FAM86B1: variants seen among roughly 807,000 people sequenced by gnomAD.
FAM86B1 encodes the protein putative protein N-methyltransferase FAM86B1.
For missense variants in FAM86B1, 13 were observed against 328.1 expected (o/e 0.04, Z 7.42); for synonymous variants, 4 against 137.6 (o/e 0.03, Z 6.79).
upstream of FAM86B1, chr8:12,194,283 CG>C: frequency 9.1e-7 from 1 of 1,092,932 alleles, no homozygotes; most frequent in Non-Finnish European, 1.3e-6. Flanking sequence ...TAAGCGACAT[CG>C]GGGCAGGTCC....
chr8:12,188,634 CTG>C (rs879878987), intron 3 of FAM86B1, among the ~76,000 whole-genome samples: 3,800 of 102,582 alleles, frequency 0.037, 4 homozygotes, highest in Non-Finnish European at 0.049. Flanking sequence ...CCAGGCAGAA[CTG>C]TGAGGGCGGC....
chr8:12,192,812 G>A (rs1274773930), intron 1 of FAM86B1, among the ~76,000 whole-genome samples: 1 of 150,458 alleles, frequency 6.6e-6, no homozygotes, highest in South Asian at 2.1e-4. Context: ...ACACCGACAT[G>A]CATTTACCAT....
chr8:12,190,989 G>C (rs1313184596), intron 2 of FAM86B1, among the ~76,000 whole-genome samples: 1 of 147,654 alleles, frequency 6.8e-6, no homozygotes, highest in African/African-American at 2.6e-5. Flanking sequence ...ATAACTTCAG[G>C]TATCTCCATG....
intron 3 of FAM86B1, among the ~76,000 whole-genome samples, chr8:12,189,253 AATATAT>A (rs1563196851): frequency 8.5e-6 from 1 of 118,276 alleles, no homozygotes; most frequent in East Asian, 2.2e-4. Context: ...TCTCAAAAAA[AATATAT>A]AAATAAATAA....
chr8:12,184,163 G>A (rs1392574429), intron 6 of FAM86B1, among the ~76,000 whole-genome samples: 4 of 25,102 alleles, frequency 1.6e-4, no homozygotes, highest in African/African-American at 9.7e-4. Context: ...TTTTTTTCAC[G>A]TAAGTATCTG....
chr8:12,190,889 G>C (rs1344782828), intron 2 of FAM86B1, among the ~76,000 whole-genome samples: 1 of 87,062 alleles, frequency 1.1e-5, no homozygotes, highest in Admixed American at 1.4e-4. Flanking sequence ...AACCAGCCTT[G>C]TGCTGGGTTT....
intron 1 of FAM86B1, among the ~76,000 whole-genome samples, chr8:12,192,824 A>C (rs867263671): frequency 1.7e-4 from 26 of 150,518 alleles, no homozygotes; most frequent in Non-Finnish European, 3.1e-4. Flanking sequence ...ATTTACCATG[A>C]GCCAGGCACT....
At chr8:12,194,199 T>C, upstream of FAM86B1, 1 of 937,726 alleles carries the variant, frequency 1.1e-6, no homozygotes, top group Non-Finnish European at 1.6e-6. Flanking sequence ...GGTCAGGAGG[T>C]GCGTCCTGGG....
chr8:12,189,142 G>GAACC lies in FAM86B1; in HGVS notation c.240+665_240+666insGGTT, dbSNP rs1806349749. 2.8e-5 allele frequency among the ~76,000 whole-genome samples: 4 copies of GAACC among 145,102 alleles called. No individual in the cohort carries two copies. In the South Asian group the frequency reaches 8.6e-4, roughly 31 times the overall value. ...ATGTGCCTGTAGTCCCAGCTTCTTA[G>GAACC]CAGGCTAGGCACGAGAACTGCTTGA... is the stretch of plus-strand genomic sequence containing the variant. On this transcript the variant is annotated intron_variant, in intron 3 of 6. Coordinates refer to ENST00000448228, the MANE Select transcript of FAM86B1 (RefSeq NM_001083537.4).
chr8:12,192,746 C>T (rs1249616872), intron 1 of FAM86B1, among the ~76,000 whole-genome samples: 2 of 145,850 alleles, frequency 1.4e-5, no homozygotes, highest in East Asian at 1.9e-4. Flanking sequence ...ATCCATGGTG[C>T]CTGGCTCACG....
intron 3 of FAM86B1, among the ~76,000 whole-genome samples, chr8:12,189,292 A>G: frequency 1.1e-5 from 1 of 89,972 alleles, no homozygotes. Context: ...ATAAATAAAT[A>G]AATAAATAAG....
At chr8:12,184,989 G>A (rs1357217482) in intron 6 of FAM86B1, among the ~76,000 whole-genome samples, 1 of 142,376 alleles carries the variant, frequency 7.0e-6, no homozygotes, top group Non-Finnish European at 1.5e-5. Context: ...CAGGACAGTG[G>A]CGTGGTGGAT....
chr8:12,192,416 C>T (rs977541460), intron 1 of FAM86B1, among the ~76,000 whole-genome samples: 1 of 103,532 alleles, frequency 9.7e-6, no homozygotes, highest in African/African-American at 5.4e-5. Flanking sequence ...GCTCACTCCA[C>T]TCCAGCCACA....
chr8:12,186,754 GCATCCCA>G lies in FAM86B1; in HGVS notation c.313_319del (p.Trp105ProfsTer22), dbSNP rs1805941549. 35 of 1,268,190 alleles carry G rather than the reference GCATCCCA, an allele frequency of 2.8e-5. No homozygotes were observed. The highest frequency in any genetic ancestry group is 2.6e-4 in the Middle Eastern group (1 of 3,784). The allele number at this position is 1,268,190 out of a possible 1,614,324, so 78.6% of individuals were successfully genotyped here. On this transcript the variant is annotated frameshift_variant, in exon 4 of 7. Coordinates refer to ENST00000448228, the MANE Select transcript of FAM86B1 (RefSeq NM_001083537.4). LOFTEE classifies it high-confidence loss of function. ...GGCCCATTCTGCAAGGTAGAGGGCGGCATCCCATGTGACCAGGCCTGTGGTACCGTGG... is the reference window on the plus strand; with the variant it reads ...GGCCCATTCTGCAAGGTAGAGGGCGGTGTGACCAGGCCTGTGGTACCGTGG...
Position 12,182,428 on chromosome 8 carries a change from C to T in FAM86B1, c.*1178G>A. The T allele has an allele frequency of 9.1e-7, 1 of 1,100,372 alleles. No homozygotes were observed. Among genetic ancestry groups the T allele is most frequent in the Non-Finnish European group, 1.3e-6 (1 of 778,936 alleles). The allele number at this position is 1,100,372 out of a possible 1,614,324, so 68.2% of individuals were successfully genotyped here. On this transcript the variant is annotated 3_prime_UTR_variant, in exon 7 of 7. Transcript: ENST00000448228. ...TGCTGGGTTGTGAAGGGTCTCAAGTCCAAGTGAGGGGGGTTGTGAAGGGTC... is the reference window on the plus strand; with the variant it reads ...TGCTGGGTTGTGAAGGGTCTCAAGTTCAAGTGAGGGGGGTTGTGAAGGGTC...
intron 1 of FAM86B1, among the ~76,000 whole-genome samples, chr8:12,192,746 C>G (rs1249616872): frequency 1.4e-5 from 2 of 145,852 alleles, no homozygotes; most frequent in African/African-American, 2.7e-5. Context: ...ATCCATGGTG[C>G]CTGGCTCACG....
intron 3 of FAM86B1, among the ~76,000 whole-genome samples, chr8:12,189,263 TAAATAA>T: frequency 6.6e-5 from 2 of 30,508 alleles, no homozygotes; most frequent in Non-Finnish European, 1.2e-4. Context: ...AATATATAAA[TAAATAA>T]ATAAATAAAT....
intron 6 of FAM86B1, among the ~76,000 whole-genome samples, chr8:12,184,110 T>A (rs1393501666): frequency 5.1e-5 from 3 of 59,242 alleles, no homozygotes; most frequent in Non-Finnish European, 8.8e-5. Flanking sequence ...ATACTATGTG[T>A]GCTGCTTGGC....
intron 2 of FAM86B1, among the ~76,000 whole-genome samples, chr8:12,190,715 G>C (rs990520156): frequency 1.1e-5 from 1 of 93,344 alleles, no homozygotes; most frequent in Middle Eastern, 3.8e-3. Context: ...CTCCCGAGTA[G>C]CTGGGACTAT....
Sources: gnomAD v4.1 joint callset for allele counts (sites outside exome capture counted in the v4.1 genomes callset) on GRCh38, gnomAD v4.1.1 for gene constraint, MANE v1.5 for transcripts, NCBI Gene and HGNC (gene_info 2026-07-23, HGNC 2026-07-21) for gene names.